CACNA1E: variants seen among roughly 807,000 people sequenced by gnomAD.
CACNA1E encodes calcium voltage-gated channel subunit alpha1 E.
CACNA1E carries 40 observed loss-of-function variants against 259.2 expected under a neutral mutation model. The observed-to-expected ratio is 0.15, with a 90% CI of 0.12 to 0.20. The LOEUF is 0.20. CACNA1E is among the 10% of genes least tolerant of loss of function. The pLI is 1.00. For missense variants in CACNA1E, 1,874 were observed against 3,040.1 expected (o/e 0.62, Z 9.02); for synonymous variants, 1,104 against 1,138.5 (o/e 0.97, Z 0.61).
At chr1:181,716,235 G>A in intron 10 of CACNA1E, 106 bp downstream of exon 10, 4 of 463,570 alleles carry the variant, frequency 8.6e-6, no homozygotes, top group Non-Finnish European at 1.1e-5. Flanking sequence ...AAAGGGTCCA[G>A]AATTTAGGAA....
At chr1:181,580,497 G>A in intron 5 of CACNA1E, 98 bp from the exon 6 acceptor site, 2 of 1,173,932 alleles carry the variant, frequency 1.7e-6, no homozygotes, top group East Asian at 2.3e-5. Flanking sequence ...CTCTTTCCGT[G>A]GGGGAATGGA....
At chr1:181,355,634 A>G (rs1408202645) in intron 1 of CACNA1E, among the ~76,000 whole-genome samples, 2 of 151,070 alleles carry the variant, frequency 1.3e-5, no homozygotes, top group Non-Finnish European at 2.9e-5. Flanking sequence ...AACAAAACAA[A>G]CCAGACAATG....
intron 2 of CACNA1E, among the ~76,000 whole-genome samples, chr1:181,427,251 C>G (rs1571847547): frequency 6.6e-6 from 1 of 151,406 alleles, no homozygotes; most frequent in East Asian, 2.0e-4. Flanking sequence ...CATCTCAACC[C>G]TCACCCATCT....
intron 3 of CACNA1E, among the ~76,000 whole-genome samples, chr1:181,546,082 C>T (rs1433126464): frequency 5.9e-5 from 9 of 151,944 alleles, no homozygotes; most frequent in Admixed American, 1.3e-4. Flanking sequence ...GAAGCTGCCC[C>T]GACAGTCTTG....
In CACNA1E at chr1:181,790,473, A is replaced by C; in HGVS notation, c.5815A>C (p.Ser1939Arg). The C allele has an allele frequency of 6.2e-7, 1 of 1,612,892 alleles. No individual in the cohort carries two copies. The highest frequency in any genetic ancestry group is 1.3e-5 in the African/African-American group (1 of 75,000). Residue 1939 changes from serine to arginine, a missense_variant, in exon 44 of 48, where the codon AGT becomes CGT. Transcript: ENST00000367573. ...LSGRSGYPSM[S>R]PLSPQDIFQL... ...TGGCCGGAGTGGATACCCTTCGATG[A>C]GTCCACTCTCTCCCCAGGATATATT...
At chr1:181,701,619 G>A (rs1055652027) in intron 7 of CACNA1E, among the ~76,000 whole-genome samples, 2 of 152,184 alleles carry the variant, frequency 1.3e-5, no homozygotes, top group Non-Finnish European at 2.9e-5. Context: ...GAATTCTGCT[G>A]TGTAACTCTT....
intron 35 of CACNA1E, among the ~76,000 whole-genome samples, chr1:181,769,912 A>AT (rs1365644392): frequency 1.3e-5 from 2 of 152,230 alleles, no homozygotes; most frequent in African/African-American, 4.8e-5. Flanking sequence ...CTTGGGTGGG[A>AT]TTTTTTAAAT....
intron 6 of CACNA1E, among the ~76,000 whole-genome samples, chr1:181,644,512 G>C (rs573774557): frequency 1.3e-5 from 2 of 152,276 alleles, no homozygotes; most frequent in African/African-American, 4.8e-5. Flanking sequence ...CTAAAATGTG[G>C]GTGTGGTCAG....
intron 35 of CACNA1E, 83 bp downstream of exon 35, chr1:181,766,694 T>C (rs1163096177): frequency 1.9e-6 from 2 of 1,027,376 alleles, no homozygotes; most frequent in Admixed American, 3.9e-5. Context: ...ATGCAAGACC[T>C]GAAGATGCTT....
intron 3 of CACNA1E, among the ~76,000 whole-genome samples, chr1:181,564,349 A>T (rs576769891): frequency 2.0e-4 from 30 of 152,334 alleles, no homozygotes; most frequent in African/African-American, 7.2e-4. Context: ...CAGCATCTTC[A>T]TCAGGAGTAG....
intron 7 of CACNA1E, among the ~76,000 whole-genome samples, chr1:181,659,165 C>A (rs557625392): frequency 6.6e-6 from 1 of 152,086 alleles, no homozygotes; most frequent in South Asian, 2.1e-4. Context: ...ACACATGGCT[C>A]CTAGGTTGGG....
intron 2 of CACNA1E, among the ~76,000 whole-genome samples, chr1:181,511,130 T>G (rs1173304719): frequency 6.6e-6 from 1 of 152,090 alleles, no homozygotes; most frequent in East Asian, 1.9e-4. Flanking sequence ...GGGAAGGAAG[T>G]CTAGCCCCTG....
At chr1:181,367,186 C>T (rs1002079959) in intron 1 of CACNA1E, among the ~76,000 whole-genome samples, 8 of 152,162 alleles carry the variant, frequency 5.3e-5, no homozygotes, top group African/African-American at 1.4e-4. Flanking sequence ...GGTGCCCTGT[C>T]GCTCATCAGG....
At chr1:181,481,841 T>C (rs1663275956), upstream of CACNA1E, among the ~76,000 whole-genome samples, 1 of 152,102 alleles carries the variant, frequency 6.6e-6, no homozygotes, top group Non-Finnish European at 1.5e-5. Flanking sequence ...ATTTTTTTTT[T>C]TTTCTACATT....
intron 1 of CACNA1E, among the ~76,000 whole-genome samples, chr1:181,409,678 C>T (rs190867252): frequency 3.6e-4 from 55 of 152,176 alleles, no homozygotes; most frequent in Admixed American, 2.7e-3. Context: ...CTTGAGATCT[C>T]GGCTTGGTGC....
intron 8 of CACNA1E, among the ~76,000 whole-genome samples, chr1:181,713,828 G>C (rs576611515): frequency 6.6e-6 from 1 of 152,116 alleles, no homozygotes; most frequent in Non-Finnish European, 1.5e-5. Context: ...GCACTTGGAG[G>C]GATGCTAGTG....
chr1:181,591,501 T>C (rs1314008281), intron 6 of CACNA1E, among the ~76,000 whole-genome samples: 1 of 152,164 alleles, frequency 6.6e-6, no homozygotes, highest in Non-Finnish European at 1.5e-5. Context: ...CAAATTTTTA[T>C]CTTCCAGAAA....
intron 1 of CACNA1E, among the ~76,000 whole-genome samples, chr1:181,388,806 G>A (rs748117386): frequency 5.3e-5 from 8 of 151,878 alleles, no homozygotes; most frequent in African/African-American, 1.5e-4. Flanking sequence ...CAGGAGAATC[G>A]CTTGAACTTG....
intron 3 of CACNA1E, among the ~76,000 whole-genome samples, chr1:181,520,130 A>G (rs963879590): frequency 1.4e-4 from 22 of 152,254 alleles, no homozygotes; most frequent in African/African-American, 4.1e-4. Context: ...TGGCACTTGC[A>G]CATATTATTT....
Sources: allele counts gnomAD v4.1 joint callset (sites outside exome capture counted in the v4.1 genomes callset), GRCh38; gene constraint gnomAD v4.1.1; transcripts MANE v1.5; gene names NCBI Gene and HGNC (gene_info 2026-07-23, HGNC 2026-07-21).